The following TCTN3 variants were observed in gnomAD, a reference collection of about 807,000 sequenced individuals.
TCTN3 encodes the protein tectonic family member 3.
TCTN3 carries 57 observed loss-of-function variants against 71.3 expected under a neutral mutation model. The observed-to-expected ratio is 0.80, with a 90% CI of 0.65 to 1.00. The LOEUF is 1.00. Among genes scored for constraint, TCTN3 ranks in the 50% least tolerant of loss-of-function variants. TCTN3 has a pLI of 0.00. For synonymous variants in TCTN3, 258 were observed against 267.8 expected (o/e 0.96, Z 0.36); for missense variants, 696 against 719.9 (o/e 0.97, Z 0.38).
chr10:95,682,921 T>C, intron 11 of TCTN3, 117 bp from the exon 12 acceptor site: 11 of 1,384,758 alleles, frequency 7.9e-6, no homozygotes, highest in Non-Finnish European at 1.1e-5. Context: ...GAGGGTATAA[T>C]CCTTAGTAGG....
rs1227704562 is a variant in TCTN3 at position 95,693,773 on chromosome 10, C to G, written c.127G>C (p.Asp43His). ...PTSLELQRGT[D>H]GGTLQSPSEA... ...GAAGGGGACTGGAGGGTTCCGCCAT[C>G]CGTCCCTCGCTGCAGCTCCAAAGAC... Residue 43 changes from aspartate (D) to histidine (H), a missense_variant, in exon 1 of 14, where the codon GAT (aspartate) becomes CAT (histidine). Transcript: ENST00000371217. 3.2e-6 allele frequency: 5 copies of G among 1,551,530 alleles called. No homozygotes were observed. The African/African-American group carries it at 5.5e-5, about 17-fold the overall frequency.
At position 95,693,670 on chromosome 10, in the gene TCTN3, C is replaced by T; in HGVS notation, c.230G>A (p.Gly77Glu). The T allele has an allele frequency of 6.4e-7, 1 of 1,551,644 alleles. No homozygotes were observed. Among genetic ancestry groups the T allele is most frequent in the Non-Finnish European group, 8.7e-7 (1 of 1,146,976 alleles). The stretch of plus-strand genomic sequence containing the variant: ...TGGGAAGAGGTCCACAGTCCTATTC[C>T]CAGGGGCCGAGGGAGTCACGAGAGT... ...VPTLVTPSAP[G>E]NRTVDLFPVL... Residue 77 changes from glycine to glutamate, a missense_variant, in exon 1 of 14, where the codon GGG (glycine) becomes GAG (glutamate). By Grantham distance (98) the Gly-to-Glu change is moderately conservative. Transcript: ENST00000371217.
At position 95,693,820 on chromosome 10, in the gene TCTN3, G is replaced by A. The variant is rs2097956222; in HGVS notation, c.80C>T (p.Ser27Phe). Residue 27 changes from serine (S) to phenylalanine (F), a missense_variant, in exon 1 of 14, where the codon TCC (serine) becomes TTC (phenylalanine). Coordinates refer to ENST00000371217, the MANE Select transcript of TCTN3 (RefSeq NM_015631.6). ...AGACGTGGGCACTGCCCCTGATGGGGAGGAAGAGGGCTGAGGCCGGACGCC... is the reference window on the plus strand; with the variant it reads ...AGACGTGGGCACTGCCCCTGATGGGAAGGAAGAGGGCTGAGGCCGGACGCC... ...PDGVRPQPSS[S>F]PSGAVPTSLE... 1 of 1,551,628 alleles carries A rather than the reference G, an allele frequency of 6.4e-7. No individual in the cohort carries two copies. The highest frequency in any genetic ancestry group is 1.2e-5 in the South Asian group (1 of 84,070).
At position 95,682,638 on chromosome 10, in the gene TCTN3, T is replaced by C. The variant is rs1393872415; in HGVS notation, c.1452+13A>G. 1.2e-6 allele frequency: 2 copies of C among 1,608,616 alleles called. No homozygotes were observed. ...AAATGAGTCTTCATCAGAAAGTATA[T>C]TTCTCTCCTTACTGAAATGCTGCAG... is the stretch of plus-strand genomic sequence containing the variant. On this transcript the variant is annotated intron_variant, in intron 12 of 13. Transcript: ENST00000371217.
At chr10:95,680,635 C>A in intron 12 of TCTN3, 26 bp from the exon 13 acceptor site, 1 of 1,607,570 alleles carries the variant, frequency 6.2e-7, no homozygotes, top group Non-Finnish European at 8.5e-7. Context: ...GAAGCATCTG[C>A]TTGAATTGCC....
rs1181925664 is a variant in TCTN3, at chr10:95,682,821, TGG to T, written c.1299-19_1299-18del. The T allele has an allele frequency of 5.6e-6, 9 of 1,611,650 alleles. No homozygotes were observed. The highest frequency in any genetic ancestry group is 7.6e-6 in the Non-Finnish European group (9 of 1,179,046). On this transcript the variant is annotated intron_variant, in intron 11 of 13. Coordinates refer to ENST00000371217, the MANE Select transcript of TCTN3 (RefSeq NM_015631.6). ...TTCTTCAACCTATAATTAAACACCA[TGG>T]AGGCTGCAGTCCAATGCTAACATAA...
chr10:95,679,096 G>A (rs1341044680), intron 13 of TCTN3, among the ~76,000 whole-genome samples: 1 of 152,114 alleles, frequency 6.6e-6, no homozygotes, highest in Non-Finnish European at 1.5e-5. Flanking sequence ...CGCCCACTTA[G>A]GCCAGTTAAA....
At chr10:95,682,993 C>G (rs1283929404) in intron 11 of TCTN3, 108 bp downstream of exon 11, 4 of 1,286,888 alleles carry the variant, frequency 3.1e-6, no homozygotes, top group Non-Finnish European at 4.4e-6. Flanking sequence ...AAGACTATTC[C>G]TGACTAGCAT....
Position 95,693,001 on chromosome 10 carries a change from A to G in TCTN3, c.418T>C (p.Phe140Leu), listed in dbSNP as rs2097955004. The change falls in exon 3 of 14, where the codon TTC (phenylalanine) becomes CTC (leucine). Residue 140 changes from phenylalanine to leucine, a missense_variant. Transcript: ENST00000371217. ...GAAGGAAACGGGGAATTACTCCTGA[A>G]GATAACAGAGTTGTCTACACAAACC... ...SWVCVDNSVIFRSNSPFPSRV... is the reference protein window; with the variant it reads ...SWVCVDNSVILRSNSPFPSRV... The G allele has an allele frequency of 6.2e-7, 1 of 1,613,904 alleles. No homozygotes were observed. The highest frequency in any genetic ancestry group is 1.1e-5 in the South Asian group (1 of 91,068).
rs754158773 is a variant in TCTN3 at position 95,683,568 on chromosome 10, A to G, written c.1157T>C (p.Ile386Thr). 1 of 1,614,076 alleles carries G rather than the reference A, an allele frequency of 6.2e-7. No individual in the cohort carries two copies. Among genetic ancestry groups the G allele is most frequent in the Non-Finnish European group, 8.5e-7 (1 of 1,180,048 alleles). Residue 386 changes from isoleucine to threonine, a missense_variant, in exon 10 of 14, where the codon ATA becomes ACA. Coordinates refer to ENST00000371217, the MANE Select transcript of TCTN3 (RefSeq NM_015631.6). ...CAGAGCCAAGAGTGGCTTCCCAACTATATAGCCAGGATTCCCACTTCTAGG... is the reference window on the plus strand; with the variant it reads ...CAGAGCCAAGAGTGGCTTCCCAACTGTATAGCCAGGATTCCCACTTCTAGG... Reference protein sequence around the residue: ...TSPRSGNPGYIVGKPLLALTD... With the variant: ...TSPRSGNPGYTVGKPLLALTD...
In TCTN3 at chr10:95,687,684, T is replaced by G. The variant is rs370695052; in HGVS notation, c.535A>C (p.Asn179His). The change falls in exon 4 of 14, where the codon AAT becomes CAT. Residue 179 changes from asparagine (N) to histidine (H), a missense_variant. Asn to His is a moderately conservative substitution (Grantham distance 68, BLOSUM62 1). Coordinates refer to ENST00000371217, the MANE Select transcript of TCTN3 (RefSeq NM_015631.6). ...LNYFQKLQKVNATNFQALAAE... is the reference protein window; with the variant it reads ...LNYFQKLQKVHATNFQALAAE... ...GCCAGGGCCTGGAAGTTGGTTGCAT[T>G]GACCTTTTGAAGCTTCTGGAAATAG... 6.2e-7 allele frequency: 1 copy of G among 1,614,130 alleles called. No homozygotes were observed. The highest frequency in any genetic ancestry group is 1.3e-5 in the African/African-American group (1 of 75,076).
chr10:95,693,296 G>A (rs2097955407), intron 2 of TCTN3, 57 bp downstream of exon 2: 1 of 1,547,850 alleles, frequency 6.5e-7, no homozygotes, highest in Non-Finnish European at 8.7e-7. Flanking sequence ...ACATCCAAAT[G>A]TTACCCGTTG....
At chr10:95,687,204 T>G (rs2097949208) in intron 5 of TCTN3, 43 bp downstream of exon 5, 1 of 1,612,626 alleles carries the variant, frequency 6.2e-7, no homozygotes, top group Middle Eastern at 1.6e-4. Context: ...GAAAGCCTGT[T>G]TTAAATTGAA....
At position 95,686,452 on chromosome 10, in the gene TCTN3, C is replaced by G. The variant is rs778678758; in HGVS notation, c.888+43G>C. On this transcript the variant is annotated intron_variant, in intron 7 of 13. Coordinates refer to ENST00000371217, the MANE Select transcript of TCTN3 (RefSeq NM_015631.6). ...TAAAATTGCCTCAGATGCAGAGGAG[C>G]CAAATATTCTTTTTCTTTTTTCCTG... is the stretch of plus-strand genomic sequence containing the variant. The G allele has an allele frequency of 3.1e-6, 5 of 1,607,890 alleles. No individual in the cohort carries two copies. The Admixed American group carries it at 6.7e-5, about 22-fold the overall frequency.
Position 95,664,162 on chromosome 10 carries a change from A to T in TCTN3, c.1729T>A (p.Phe577Ile). The T allele has an allele frequency of 6.2e-7, 1 of 1,614,196 alleles. No homozygotes were observed. Among genetic ancestry groups the T allele is most frequent in the Middle Eastern group, 1.6e-4 (1 of 6,062 alleles). Residue 577 changes from phenylalanine to isoleucine, a missense_variant, in exon 14 of 14, where the codon TTC becomes ATC. By Grantham distance (21) the Phe-to-Ile change is conservative (BLOSUM62 0). Transcript: ENST00000371217. The stretch of plus-strand genomic sequence containing the variant: ...TTTTGAGAGAATACTCCTCTGCTGA[A>T]TGCCACTTTGAAGGGAAAGAAGTCG... ...PFDFFPFKVA[F>I]SRGVFSQKCS...
At chr10:95,685,045 A>T (rs1049007841) in intron 8 of TCTN3, among the ~76,000 whole-genome samples, 9 of 152,248 alleles carry the variant, frequency 5.9e-5, no homozygotes, top group African/African-American at 2.2e-4. Context: ...TAAATTTCTG[A>T]GCATAGTCTT....
At position 95,682,886 on chromosome 10, in the gene TCTN3, A is replaced by C. The variant is rs552833845; in HGVS notation, c.1299-82T>G. The C allele has an allele frequency of 1.7e-4, 259 of 1,492,658 alleles. 4 individuals carry two copies. In the South Asian group the frequency reaches 3.2e-3, roughly 18 times the overall value. 92.5% of individuals were successfully genotyped at this position (1,492,658 alleles called of 1,614,324 possible). A position where few individuals can be genotyped will look rare whatever the true frequency, so the allele number is the denominator to read the frequency against. On this transcript the variant is annotated intron_variant, in intron 11 of 13. Transcript: ENST00000371217. The stretch of plus-strand genomic sequence containing the variant: ...ATTAGTACGGTATGTTAAACCAAAC[A>C]TTGGAAATAATATAAAATAGACCAG...
Position 95,682,737 on chromosome 10 carries a change from G to C in TCTN3, c.1366C>G (p.Pro456Ala), listed in dbSNP as rs898301272. 3 of 1,614,048 alleles carry C rather than the reference G, an allele frequency of 1.9e-6. No homozygotes were observed. The South Asian group carries it at 3.3e-5, about 18-fold the overall frequency. ...IYQTLHGRPR[P>A]EYVAIFGNAD... ...TTACCAAAGATGGCAACATACTCTG[G>C]TCTGGGCCTTCCATGAAGAGTCTGA... Residue 456 changes from proline (P) to alanine (A), a missense_variant, in exon 12 of 14, where the codon CCA becomes GCA. By Grantham distance (27) the Pro-to-Ala change is conservative. Coordinates refer to ENST00000371217, the MANE Select transcript of TCTN3 (RefSeq NM_015631.6).
At chr10:95,681,896 C>T (rs1339652885) in intron 12 of TCTN3, among the ~76,000 whole-genome samples, 1 of 152,122 alleles carries the variant, frequency 6.6e-6, no homozygotes, top group South Asian at 2.1e-4. Flanking sequence ...TAAACCTAAC[C>T]TGAAATAACT....
Sources: gnomAD v4.1 joint callset for allele counts (sites outside exome capture counted in the v4.1 genomes callset) on GRCh38, gnomAD v4.1.1 for gene constraint, MANE v1.5 for transcripts, NCBI Gene and HGNC (gene_info 2026-07-23, HGNC 2026-07-21) for gene names.